Variants in C5 observed in about 807,000 individuals in gnomAD.
C5 encodes the protein C3 and PZP-like alpha-2-macroglobulin domain-containing protein 4.
In C5, 140 loss-of-function variants were observed where a neutral mutation model predicts 218.8. The observed-to-expected ratio is 0.64, with a 90% CI of 0.56 to 0.74. The LOEUF (loss-of-function observed/expected upper bound fraction) is 0.74. Among genes scored for constraint, C5 ranks in the 30% least tolerant of loss-of-function variants. C5 has a pLI of 0.00. For missense variants in C5, 1,700 were observed against 1,969.6 expected (o/e 0.86, Z 2.59); for synonymous variants, 614 against 682.3 (o/e 0.90, Z 1.56).
At chr9:121,055,974 C>T in the C5 span, among the ~76,000 whole-genome samples, 1 of 152,166 alleles carries the variant, frequency 6.6e-6, no homozygotes, top group Admixed American at 6.5e-5. Flanking sequence ...CCTATCTTCC[C>T]AAGTCTTAGA....
intron 39 of C5, among the ~76,000 whole-genome samples, chr9:120,955,025 T>C (rs1269797111): frequency 6.6e-6 from 1 of 152,230 alleles, no homozygotes; most frequent in East Asian, 1.9e-4. Context: ...GCAACTACCC[T>C]GGGCTTCAAC....
At chr9:120,975,382 G>A (rs1366753293) in intron 29 of C5, among the ~76,000 whole-genome samples, 1 of 151,880 alleles carries the variant, frequency 6.6e-6, no homozygotes, top group African/African-American at 2.4e-5. Flanking sequence ...ATAGTTTATT[G>A]TTGGCCTACC....
Position 120,969,378 on chromosome 9 carries a change from A to T in C5, c.4163-260T>A, listed in dbSNP as rs117961854. Reference sequence around the variant, plus strand: ...TTTAATGAAGAAATTATTAAAGATAAATATGTATTGGTAATATGTTTGGGG... The same window carrying T: ...TTTAATGAAGAAATTATTAAAGATATATATGTATTGGTAATATGTTTGGGG... On this transcript the variant is annotated intron_variant, in intron 32 of 40. Coordinates refer to ENST00000223642, the MANE Select transcript of C5 (RefSeq NM_001735.3). Among the ~76,000 whole-genome samples the T allele has an allele frequency of 8.8e-5, 13 of 147,278 alleles. 1 individual carries two copies. The East Asian group carries it at 2.5e-3, about 28-fold the overall frequency.
In C5 at chr9:121,015,264, G is replaced by T. The variant is rs568012353; in HGVS notation, c.1997-3C>A. 174 of 1,594,262 alleles carry T rather than the reference G, an allele frequency of 1.1e-4. 3 individuals carry two copies. In the South Asian group the frequency reaches 1.8e-3, roughly 17 times the overall value. On this transcript the variant is annotated splice_region_variant and splice_polypyrimidine_tract_variant and intron_variant, in intron 15 of 40. Transcript: ENST00000223642. ...GAGAATTTCTTTACAAGGTTCATCTGGTTTTTTTAAAAAAAGATAAAGAAG... is the reference window on the plus strand; with the variant it reads ...GAGAATTTCTTTACAAGGTTCATCTTGTTTTTTTAAAAAAAGATAAAGAAG...
At chr9:120,999,942 C>CT (rs2047146338) in intron 20 of C5, 1 of 445,842 alleles carries the variant, frequency 2.2e-6, no homozygotes, top group African/African-American at 2.0e-5. Context: ...GCCTGTAATC[C>CT]CAGCTACTTG....
At chr9:121,063,727 A>C in the C5 span, among the ~76,000 whole-genome samples, 1 of 152,170 alleles carries the variant, frequency 6.6e-6, no homozygotes, top group South Asian at 2.1e-4. Context: ...CAATGTGCAA[A>C]ATGTTTTTGA....
At chr9:121,050,447 C>T (rs988252031), upstream of C5, among the ~76,000 whole-genome samples, 8 of 152,186 alleles carry the variant, frequency 5.3e-5, no homozygotes, top group African/African-American at 1.9e-4. Flanking sequence ...CAGGAACTTA[C>T]ACCCAGGGAA....
Position 120,969,082 on chromosome 9 carries a change from T to C in C5, c.4199A>G (p.Lys1400Arg), listed in dbSNP as rs1275239095. The change falls in exon 33 of 41, where the codon AAA becomes AGA. Residue 1400 changes from lysine to arginine, a missense_variant. Lys to Arg is a conservative substitution (Grantham distance 26, BLOSUM62 2). Coordinates refer to ENST00000223642, the MANE Select transcript of C5 (RefSeq NM_001735.3). Reference sequence around the variant, plus strand: ...TCACCTGGCACATGCTACTATGCGTTTGTAATCAGAGTTTCCGTAGCCTCT... The same window carrying C: ...TCACCTGGCACATGCTACTATGCGTCTGTAATCAGAGTTTCCGTAGCCTCT... ...HYRGYGNSDY[K>R]RIVACASYKP... 1 of 1,614,036 alleles carries C rather than the reference T, an allele frequency of 6.2e-7. No homozygotes were observed. Among genetic ancestry groups the C allele is most frequent in the East Asian group, 2.2e-5 (1 of 44,864 alleles).
At position 120,989,713 on chromosome 9, in the gene C5, G is replaced by A. The variant is rs1429334834; in HGVS notation, c.3009C>T (p.Leu1003=). The A allele has an allele frequency of 2.5e-6, 4 of 1,614,014 alleles. No individual in the cohort carries two copies. Among genetic ancestry groups the A allele is most frequent in the Admixed American group, 1.7e-5 (1 of 60,002 alleles). Residue 1003 remains leucine, a synonymous_variant, in exon 24 of 41, where the codon CTC becomes CTT. Coordinates refer to ENST00000223642, the MANE Select transcript of C5 (RefSeq NM_001735.3). ...GCTCCGCCTCTGCACTCCCTTTGGG[G>A]AGGTGGGTTAGGATATTGATGCCTT... The part of the protein sequence containing the change: ...SQEGINILTH[L]PKGSAEAELM...
the C5 span, among the ~76,000 whole-genome samples, chr9:121,070,126 G>C: frequency 1.3e-4 from 19 of 151,952 alleles, no homozygotes; most frequent in African/African-American, 4.6e-4. Context: ...GAGAGGCCGA[G>C]GCAGGTGGAT....
At chr9:121,070,298 G>A in the C5 span, among the ~76,000 whole-genome samples, 38 of 149,530 alleles carry the variant, frequency 2.5e-4, no homozygotes, top group Admixed American at 6.0e-4. Context: ...CAGAGGTTGC[G>A]GTGAGCTGAG....
At chr9:121,043,622 T>A (rs2047599727) in intron 2 of C5, among the ~76,000 whole-genome samples, 1 of 150,616 alleles carries the variant, frequency 6.6e-6, no homozygotes, top group Admixed American at 6.6e-5. Flanking sequence ...AACCTCTGCC[T>A]CCCAGATTCA....
intron 25 of C5, among the ~76,000 whole-genome samples, chr9:120,987,731 C>T (rs1264398259): frequency 2.0e-5 from 3 of 151,852 alleles, no homozygotes; most frequent in Non-Finnish European, 2.9e-5. Flanking sequence ...ATAGAACCTA[C>T]AAAGCAGCTG....
chr9:121,021,288 A>C (rs1343202593), intron 11 of C5, among the ~76,000 whole-genome samples: 1 of 152,200 alleles, frequency 6.6e-6, no homozygotes, highest in Non-Finnish European at 1.5e-5. Flanking sequence ...AAGATAAAAC[A>C]ATTAACTCCC....
intron 5 of C5, among the ~76,000 whole-genome samples, chr9:121,033,036 G>GTGTGTA (rs1318214774): frequency 2.0e-5 from 3 of 151,360 alleles, no homozygotes; most frequent in African/African-American, 7.3e-5. Flanking sequence ...GTGTGTGTGT[G>GTGTGTA]TGTATGTATG....
At chr9:121,018,923 G>T (rs1158430536) in intron 12 of C5, among the ~76,000 whole-genome samples, 2 of 151,982 alleles carry the variant, frequency 1.3e-5, no homozygotes, top group African/African-American at 4.8e-5. Flanking sequence ...AAGAAACTGA[G>T]GCTCAGAAAC....
the C5 span, among the ~76,000 whole-genome samples, chr9:121,063,510 C>T: frequency 2.0e-5 from 3 of 152,018 alleles, no homozygotes; most frequent in African/African-American, 4.8e-5. Context: ...TCTAGGAGAT[C>T]AAGATTTCCT....
chr9:121,000,389 G>A (rs1004509763), intron 20 of C5, among the ~76,000 whole-genome samples: 4 of 152,156 alleles, frequency 2.6e-5, no homozygotes, highest in African/African-American at 9.7e-5. Context: ...GAGAGTACTT[G>A]CCTAATAGTT....
At chr9:121,032,011 T>G in intron 6 of C5, 102 bp downstream of exon 6, 5 of 665,448 alleles carry the variant, frequency 7.5e-6, no homozygotes, top group African/African-American at 1.8e-5. Flanking sequence ...TGCAGTGAGC[T>G]GAGATCGTGC....
Sources: gnomAD v4.1 joint callset for allele counts (sites outside exome capture counted in the v4.1 genomes callset) on GRCh38, gnomAD v4.1.1 for gene constraint, MANE v1.5 for transcripts, NCBI Gene and HGNC (gene_info 2026-07-23, HGNC 2026-07-21) for gene names.